SLC39A10: variants seen among roughly 807,000 people sequenced by gnomAD.
SLC39A10 encodes the protein zinc transporter ZIP10.
In SLC39A10, 13 loss-of-function variants were observed where a neutral mutation model predicts 65.1. The ratio of observed to expected loss-of-function variants is 0.20; its 90% CI spans 0.13 to 0.32. The LOEUF is 0.32. Among genes scored for constraint, SLC39A10 ranks in the 10% least tolerant of loss-of-function variants. SLC39A10 has a pLI of 1.00. For missense variants in SLC39A10, 831 were observed against 1,018.4 expected (o/e 0.82, Z 2.50); for synonymous variants, 321 against 342.2 (o/e 0.94, Z 0.68).
chr2:195,692,459 G>C (rs961646044), intron 3 of SLC39A10, among the ~76,000 whole-genome samples: 1 of 152,080 alleles, frequency 6.6e-6, no homozygotes. Context: ...TCACAGTATC[G>C]ATTCTACCTA....
upstream of SLC39A10, among the ~76,000 whole-genome samples, chr2:195,653,683 C>G (rs143105938): frequency 8.7e-3 from 1,332 of 152,328 alleles, 5 homozygotes; most frequent in Non-Finnish European, 0.013. Flanking sequence ...TTCAGGTTAA[C>G]TTTGGAATGC....
intron 5 of SLC39A10, among the ~76,000 whole-genome samples, chr2:195,710,600 A>G (rs1691571459): frequency 6.6e-6 from 1 of 152,212 alleles, no homozygotes; most frequent in Admixed American, 6.5e-5. Flanking sequence ...CATGATTTCC[A>G]GTAGTTATCT....
Position 195,657,297 on chromosome 2 carries a change from C to G in SLC39A10, c.-12+16C>G. On this transcript the variant is annotated intron_variant, in intron 1 of 9. Coordinates refer to ENST00000359634, the MANE Select transcript of SLC39A10 (RefSeq NM_020342.3). The stretch of plus-strand genomic sequence containing the variant: ...CGAGTGTGAGGTAACTATAAAACCC[C>G]GATTTGTTTACATTCCCTCCCCCAG... 1.3e-6 allele frequency: 1 copy of G among 782,150 alleles called. No individual in the cohort carries two copies. Among genetic ancestry groups the G allele is most frequent in the Non-Finnish European group, 1.6e-6 (1 of 644,244 alleles). The allele number at this position is 782,150 out of a possible 1,614,324, so 48.5% of individuals were successfully genotyped here.
At chr2:195,702,694 T>C (rs1318763566) in intron 3 of SLC39A10, among the ~76,000 whole-genome samples, 1 of 152,220 alleles carries the variant, frequency 6.6e-6, no homozygotes, top group Admixed American at 6.5e-5. Flanking sequence ...AGAAATACTT[T>C]AGCATCCTGC....
chr2:195,732,519 G>A (rs1692461722), intron 9 of SLC39A10, among the ~76,000 whole-genome samples: 1 of 152,182 alleles, frequency 6.6e-6, no homozygotes, highest in South Asian at 2.1e-4. Flanking sequence ...AGAATTAAAT[G>A]TGGCAAAGCC....
intron 3 of SLC39A10, among the ~76,000 whole-genome samples, chr2:195,690,543 G>C (rs1170472413): frequency 6.6e-6 from 1 of 152,108 alleles, no homozygotes; most frequent in Non-Finnish European, 1.5e-5. Context: ...GCCAACACTT[G>C]TTTTCTTGAT....
intron 3 of SLC39A10, among the ~76,000 whole-genome samples, chr2:195,703,199 T>C (rs1691259319): frequency 6.6e-6 from 1 of 152,234 alleles, no homozygotes; most frequent in Admixed American, 6.5e-5. Context: ...TAAAGTTTTT[T>C]CTAGCAGTAT....
At chr2:195,708,104 T>C (rs984661225) in intron 4 of SLC39A10, among the ~76,000 whole-genome samples, 13 of 152,122 alleles carry the variant, frequency 8.5e-5, no homozygotes, top group Non-Finnish European at 1.9e-4. Context: ...TCTGAAATAA[T>C]TTTATAAGAG....
chr2:195,659,880 C>G (rs1559019809), intron 1 of SLC39A10, among the ~76,000 whole-genome samples: 1 of 152,088 alleles, frequency 6.6e-6, no homozygotes, highest in South Asian at 2.1e-4. Context: ...TTGACTACCC[C>G]CAGAATGAGC....
In SLC39A10 at chr2:195,706,656, G is replaced by C; in HGVS notation, c.1257G>C (p.Leu419=). 6.2e-7 allele frequency: 1 copy of C among 1,611,854 alleles called. No homozygotes were observed. The highest frequency in any genetic ancestry group is 8.5e-7 in the Non-Finnish European group (1 of 1,178,986). The part of the protein sequence containing the change: ...CGIISITVIS[L]LSLLGVILVP... The stretch of plus-strand genomic sequence containing the variant: ...TCATTTCTATCACTGTCATTAGCCT[G>C]CTTTCCTTGCTAGGCGTGATCTTGG... Residue 419 remains leucine (L), a synonymous_variant, in exon 4 of 10, where the codon CTG becomes CTC. Transcript: ENST00000359634.
chr2:195,736,557 C>T lies in SLC39A10; in HGVS notation c.*1516C>T, dbSNP rs1403581004. 1.3e-5 allele frequency: 2 copies of T among 153,808 alleles called. No homozygotes were observed. The highest frequency in any genetic ancestry group is 1.5e-5 in the Non-Finnish European group (1 of 68,032). The allele number at this position is 153,808 out of a possible 1,614,324, so 9.5% of individuals were successfully genotyped here. On this transcript the variant is annotated 3_prime_UTR_variant, in exon 10 of 10. Coordinates refer to ENST00000359634, the MANE Select transcript of SLC39A10 (RefSeq NM_020342.3). ...TTTCATTTAGTACTCTTCTTTCCTC[C>T]TACTCTATGAACTTCAAAACAAAAA...
chr2:195,651,650 T>C (rs1689034782), intron 2 of SLC39A10, among the ~76,000 whole-genome samples: 1 of 151,930 alleles, frequency 6.6e-6, no homozygotes, highest in Admixed American at 6.6e-5. Context: ...AATTTTTGTA[T>C]TTTTAGTAGA....
intron 2 of SLC39A10, among the ~76,000 whole-genome samples, chr2:195,645,812 A>G (rs1688902911): frequency 6.6e-6 from 1 of 152,260 alleles, no homozygotes; most frequent in African/African-American, 2.4e-5. Context: ...TCAAAAAAAT[A>G]AAAATTAAAA....
intron 3 of SLC39A10, among the ~76,000 whole-genome samples, chr2:195,691,334 A>G (rs541896762): frequency 6.6e-6 from 1 of 152,270 alleles, no homozygotes; most frequent in East Asian, 1.9e-4. Context: ...CGTGTGTCCA[A>G]GTATTCTAGT....
At chr2:195,729,682 C>T (rs1294021269) in intron 9 of SLC39A10, among the ~76,000 whole-genome samples, 1 of 152,140 alleles carries the variant, frequency 6.6e-6, no homozygotes, top group Admixed American at 6.5e-5. Context: ...TTCTATTAGC[C>T]TATAAACCTC....
At chr2:195,630,700 C>A (rs1328797215) in intron 2 of SLC39A10, among the ~76,000 whole-genome samples, 2 of 152,218 alleles carry the variant, frequency 1.3e-5, no homozygotes, top group Non-Finnish European at 2.9e-5. Flanking sequence ...TGTATCATAA[C>A]ACCACAGGCA....
intron 2 of SLC39A10, among the ~76,000 whole-genome samples, chr2:195,645,621 A>C (rs1688898831): frequency 6.6e-6 from 1 of 152,098 alleles, no homozygotes; most frequent in Admixed American, 6.5e-5. Context: ...GGTAACCTCT[A>C]TTCTACTTTC....
In SLC39A10 at chr2:195,736,992, C is replaced by T. The variant is rs1163146032; in HGVS notation, c.*1951C>T. The T allele has an allele frequency of 6.6e-6, 1 of 152,360 alleles. No individual in the cohort carries two copies. Among genetic ancestry groups the T allele is most frequent in the Non-Finnish European group, 1.5e-5 (1 of 67,974 alleles). 9.4% of individuals were successfully genotyped at this position (152,360 alleles called of 1,614,324 possible). A position where few individuals can be genotyped will look rare whatever the true frequency, so the allele number is the denominator to read the frequency against. On this transcript the variant is annotated 3_prime_UTR_variant, in exon 10 of 10. Transcript: ENST00000359634. ...CATTAAATCTGCTTCATTTTAGAACCTTTATAAAAGCAATAGCTGGAATAT... is the reference window on the plus strand; with the variant it reads ...CATTAAATCTGCTTCATTTTAGAACTTTTATAAAAGCAATAGCTGGAATAT...
intron 2 of SLC39A10, among the ~76,000 whole-genome samples, chr2:195,629,263 G>A (rs952841291): frequency 2.0e-5 from 3 of 151,834 alleles, no homozygotes; most frequent in Non-Finnish European, 4.4e-5. Context: ...ATGTGGTGGC[G>A]GGTGCCTGTA....
Sources: allele counts gnomAD v4.1 joint callset (sites outside exome capture counted in the v4.1 genomes callset), GRCh38; gene constraint gnomAD v4.1.1; transcripts MANE v1.5; gene names NCBI Gene and HGNC (gene_info 2026-07-23, HGNC 2026-07-21).